Variants in WDR27 observed in about 807,000 individuals in gnomAD.
WDR27 encodes WD repeat domain 27.
A neutral mutation model predicts 114.4 loss-of-function variants in WDR27; 100 were observed. The ratio of observed to expected loss-of-function variants is 0.87; its 90% CI spans 0.74 to 1.03. WDR27 has a LOEUF of 1.03. Among genes scored for constraint, WDR27 ranks in the 50% least tolerant of loss-of-function variants. The probability of loss-of-function intolerance (pLI) is 0.00; values close to 1 mark genes in which losing one functional copy is unlikely to be tolerated. For missense variants in WDR27, 1,129 were observed against 1,092.9 expected (o/e 1.03, Z -0.47); for synonymous variants, 449 against 423.1 (o/e 1.06, Z -0.75).
intron 24 of WDR27, among the ~76,000 whole-genome samples, chr6:169,579,006 C>G (rs1802919589): frequency 6.6e-6 from 1 of 152,142 alleles, no homozygotes; most frequent in Non-Finnish European, 1.5e-5. Flanking sequence ...CAGAGTCTGC[C>G]TCCTGGCTGA....
chr6:169,496,388 C>A (rs1403247981), intron 25 of WDR27, among the ~76,000 whole-genome samples: 1 of 152,032 alleles, frequency 6.6e-6, no homozygotes, highest in Non-Finnish European at 1.5e-5. Context: ...AAATCAAGAA[C>A]AAGTCAAGAA....
At chr6:169,664,473 C>A in intron 7 of WDR27, 187 bp from the exon 8 acceptor site, 1 of 1,441,420 alleles carries the variant, frequency 6.9e-7, no homozygotes, top group Non-Finnish European at 9.1e-7. Context: ...GTACGGCCCA[C>A]GGTGTCAGAG....
At chr6:169,626,673 C>G (rs952943450) in intron 21 of WDR27, among the ~76,000 whole-genome samples, 7 of 152,226 alleles carry the variant, frequency 4.6e-5, no homozygotes, top group African/African-American at 1.7e-4. Context: ...CCGTGCAGCT[C>G]AGAATACACT....
chr6:169,426,705 A>C, the WDR27 span: 1 of 152,280 alleles, frequency 6.6e-6, no homozygotes, highest in Non-Finnish European at 1.5e-5. Context: ...GGAAAATTGG[A>C]AACTGTCTTT....
chr6:169,461,377 T>A (rs1247760114), intron 25 of WDR27, among the ~76,000 whole-genome samples: 1 of 152,134 alleles, frequency 6.6e-6, no homozygotes, highest in East Asian at 1.9e-4. Context: ...ACAAATTAAA[T>A]CTCAATAGAT....
chr6:169,553,980 T>C (rs2128106419), intron 25 of WDR27, among the ~76,000 whole-genome samples: 1 of 152,362 alleles, frequency 6.6e-6, no homozygotes, highest in African/African-American at 2.4e-5. Context: ...AGATTTTTGA[T>C]CTTTAAAATG....
At chr6:169,667,883 AG>A (rs1227597306) in intron 5 of WDR27, 98 bp downstream of exon 5, 2 of 1,156,414 alleles carry the variant, frequency 1.7e-6, no homozygotes, top group African/African-American at 3.1e-5. Flanking sequence ...AACATCACTC[AG>A]GCGGCCGTGG....
intron 19 of WDR27, among the ~76,000 whole-genome samples, chr6:169,635,559 C>T (rs1817475190): frequency 6.6e-6 from 1 of 152,204 alleles, no homozygotes; most frequent in African/African-American, 2.4e-5. Flanking sequence ...AGTGGGGATG[C>T]TCTCATTGAG....
intron 1 of WDR27, among the ~76,000 whole-genome samples, chr6:169,695,261 C>T (rs1435611366): frequency 6.6e-6 from 1 of 152,134 alleles, no homozygotes; most frequent in Non-Finnish European, 1.5e-5. Context: ...GAAGCCAGTA[C>T]GGGTTGGTTG....
rs1825827732 is a variant in WDR27 at position 169,660,718 on chromosome 6, G to A, written c.1074C>T (p.Gly358=). 1 of 1,613,636 alleles carries A rather than the reference G, an allele frequency of 6.2e-7. No individual in the cohort carries two copies. Among genetic ancestry groups the A allele is most frequent in the East Asian group, 2.2e-5 (1 of 44,866 alleles). ...GGTTTGCCAGGTTAAATACGAATAA[G>A]CCCACTGAGCTTCCGATCCACACAC... ...TRCVWIGSSV[G]LFVFNLANLE... Residue 358 remains glycine, a synonymous_variant, in exon 10 of 26, where the codon GGC becomes GGT. Transcript: ENST00000448612.
the WDR27 span, among the ~76,000 whole-genome samples, chr6:169,447,504 T>C: frequency 8.5e-5 from 13 of 152,362 alleles, no homozygotes; most frequent in African/African-American, 2.6e-4. Context: ...CAACCCATCA[T>C]TGAGCATGGA....
At position 169,647,780 on chromosome 6, in the gene WDR27, C is replaced by T; in HGVS notation, c.1650G>A (p.Gln550=). The T allele has an allele frequency of 6.3e-7, 1 of 1,579,952 alleles. No individual in the cohort carries two copies. The highest frequency in any genetic ancestry group is 8.6e-7 in the Non-Finnish European group (1 of 1,163,060). Residue 550 remains glutamine, a synonymous_variant, in exon 16 of 26, where the codon CAG becomes CAA. Coordinates refer to ENST00000448612, the MANE Select transcript of WDR27 (RefSeq NM_182552.5). The part of the protein sequence containing the change: ...APTCTRVCCI[Q]YSGDGQWLAC... ...CCGCAGGACGTGGCGCACCTGAGTA[C>T]TGGATGCAGCATACACGTGTGCAGG...
At chr6:169,453,046 C>T (rs948679102), downstream of WDR27, among the ~76,000 whole-genome samples, 3 of 152,236 alleles carry the variant, frequency 2.0e-5, no homozygotes, top group Non-Finnish European at 2.9e-5. Context: ...TGCAAGGGCA[C>T]GGCCCCCAGG....
At chr6:169,520,546 A>G (rs1794245392) in intron 25 of WDR27, among the ~76,000 whole-genome samples, 2 of 152,254 alleles carry the variant, frequency 1.3e-5, no homozygotes, top group African/African-American at 4.8e-5. Flanking sequence ...CAAACATACA[A>G]AGCTGGGAAC....
At chr6:169,567,353 G>A (rs940112746) in intron 25 of WDR27, among the ~76,000 whole-genome samples, 1 of 152,218 alleles carries the variant, frequency 6.6e-6, no homozygotes, top group African/African-American at 2.4e-5. Flanking sequence ...AACAGTGCAT[G>A]TGCCTGTTGT....
chr6:169,507,408 G>A (rs1792144849), intron 25 of WDR27, among the ~76,000 whole-genome samples: 1 of 152,222 alleles, frequency 6.6e-6, no homozygotes. Context: ...CTTCATAGAT[G>A]TTCTCAGTGT....
intron 25 of WDR27, among the ~76,000 whole-genome samples, chr6:169,464,933 A>G (rs952906098): frequency 1.3e-5 from 2 of 151,956 alleles, no homozygotes; most frequent in African/African-American, 4.8e-5. Context: ...GACCAGCCTG[A>G]CCAACATGGT....
chr6:169,696,756 A>C (rs897495438), intron 1 of WDR27, among the ~76,000 whole-genome samples: 1 of 152,194 alleles, frequency 6.6e-6, no homozygotes, highest in Non-Finnish European at 1.5e-5. Flanking sequence ...TCTACTAAAA[A>C]TACAAAAATT....
At chr6:169,613,536 T>C (rs759538012) in intron 22 of WDR27, 23 bp downstream of exon 22, 46 of 1,597,812 alleles carry the variant, frequency 2.9e-5, no homozygotes, top group Non-Finnish European at 3.6e-5. Context: ...ACCCCTGCAG[T>C]GCAGGGCGCA....
Sources: gnomAD v4.1 joint callset for allele counts (sites outside exome capture counted in the v4.1 genomes callset) on GRCh38, gnomAD v4.1.1 for gene constraint, MANE v1.5 for transcripts, NCBI Gene and HGNC (gene_info 2026-07-23, HGNC 2026-07-21) for gene names.